LRMDA: variants seen among roughly 807,000 people sequenced by gnomAD.
The protein encoded by LRMDA is leucine-rich melanocyte differentiation-associated protein.
A neutral mutation model predicts 29.8 loss-of-function variants in LRMDA; 18 were observed. The observed-to-expected ratio is 0.60, with a 90% CI of 0.42 to 0.90. LRMDA has a LOEUF of 0.90. Among genes scored for constraint, LRMDA ranks in the 40% least tolerant of loss-of-function variants. The pLI, the probability that LRMDA is intolerant of heterozygous loss-of-function variation, is 0.00. For synonymous variants in LRMDA, 125 were observed against 109.4 expected, an observed-to-expected ratio of 1.14 and a Z score of -0.89; for missense variants, 273 against 273.9, an observed-to-expected ratio of 1.00 and a Z score of 0.02.
intron 2 of LRMDA, among the ~76,000 whole-genome samples, chr10:75,874,146 T>C (rs982822138): frequency 6.6e-6 from 1 of 152,200 alleles, no homozygotes; most frequent in Non-Finnish European, 1.5e-5. Flanking sequence ...AGGGTACATA[T>C]GCCTTAGACT....
intron 5 of LRMDA, among the ~76,000 whole-genome samples, chr10:76,142,709 A>ATT (rs1564664744): frequency 3.6e-4 from 49 of 137,914 alleles, no homozygotes; most frequent in African/African-American, 1.3e-3. Context: ...TTATTATTAT[A>ATT]CTTTAAGTTT....
rs118065915 is a variant in LRMDA, at chr10:75,822,223, C to T, written c.132-213785C>T. 2.5e-3 allele frequency among the ~76,000 whole-genome samples: 376 copies of T among 152,052 alleles called. 9 individuals carry two copies. The East Asian group carries it at 0.065, about 26-fold the overall frequency. ...AAAGACTGAATCCCATTTACAGTGG[C>T]TACCAAAAAAACACTGAAGAATGCA... On this transcript the variant is annotated intron_variant, in intron 2 of 6. Transcript: ENST00000611255.
intron 2 of LRMDA, among the ~76,000 whole-genome samples, chr10:75,843,193 C>T (rs959950292): frequency 1.3e-5 from 2 of 152,146 alleles, no homozygotes; most frequent in Non-Finnish European, 2.9e-5. Flanking sequence ...TTAATGAGTT[C>T]AGGGAAGAAA....
At chr10:76,018,824 G>A (rs1379282509) in intron 2 of LRMDA, among the ~76,000 whole-genome samples, 7 of 152,076 alleles carry the variant, frequency 4.6e-5, no homozygotes, top group African/African-American at 7.2e-5. Context: ...TCTTGGCCTC[G>A]CAAATTGCTG....
rs571166829 is a variant in LRMDA, at chr10:76,183,452, G to A, written c.516+124669G>A. Among the ~76,000 whole-genome samples the A allele has an allele frequency of 5.9e-5, 9 of 152,302 alleles. No homozygotes were observed. In the East Asian group the frequency reaches 1.5e-3, roughly 26 times the overall value. On this transcript the variant is annotated intron_variant, in intron 5 of 6. Coordinates refer to ENST00000611255, the MANE Select transcript of LRMDA (RefSeq NM_001305581.2). ...GTGTACTTTGCCCCATCTTTTGAGAGAAAGATCTCTCTAAATTTCAAAGAA... is the reference window on the plus strand; with the variant it reads ...GTGTACTTTGCCCCATCTTTTGAGAAAAAGATCTCTCTAAATTTCAAAGAA...
intron 2 of LRMDA, among the ~76,000 whole-genome samples, chr10:75,802,245 G>C (rs1259209472): frequency 1.3e-5 from 2 of 152,006 alleles, no homozygotes; most frequent in African/African-American, 4.8e-5. Flanking sequence ...TTGAACCTGG[G>C]AGGTTTAAGC....
At chr10:75,941,550 C>G (rs1160894735) in intron 2 of LRMDA, among the ~76,000 whole-genome samples, 1 of 152,182 alleles carries the variant, frequency 6.6e-6, no homozygotes, top group Non-Finnish European at 1.5e-5. Flanking sequence ...ATGCCAGCAT[C>G]TCACTGGCAT....
At chr10:76,471,544 A>C (rs1421508994) in intron 6 of LRMDA, among the ~76,000 whole-genome samples, 1 of 151,700 alleles carries the variant, frequency 6.6e-6, no homozygotes, top group Non-Finnish European at 1.5e-5. Context: ...TATAGGAAAC[A>C]ACTGAAATGG....
intron 2 of LRMDA, among the ~76,000 whole-genome samples, chr10:75,628,854 C>T (rs1386575796): frequency 6.6e-6 from 1 of 152,210 alleles, no homozygotes; most frequent in East Asian, 1.9e-4. Context: ...TGAGAAGGTG[C>T]AGGCTGGGGC....
At chr10:75,649,138 C>A (rs186037441) in intron 2 of LRMDA, among the ~76,000 whole-genome samples, 5 of 152,312 alleles carry the variant, frequency 3.3e-5, no homozygotes, top group Non-Finnish European at 1.5e-5. Context: ...CCCCTAGCAA[C>A]CACAATTCTA....
intron 2 of LRMDA, among the ~76,000 whole-genome samples, chr10:75,751,476 T>C (rs992802663): frequency 1.1e-4 from 16 of 152,326 alleles, no homozygotes; most frequent in Non-Finnish European, 1.9e-4. Context: ...TTAAATAATT[T>C]CAGTTATCTT....
At chr10:75,630,554 G>C (rs1841309987) in intron 2 of LRMDA, among the ~76,000 whole-genome samples, 1 of 152,192 alleles carries the variant, frequency 6.6e-6, no homozygotes, top group Non-Finnish European at 1.5e-5. Flanking sequence ...TCTTCTATGA[G>C]GCTCTCACAG....
At chr10:75,552,431 C>A (rs548510503) in intron 2 of LRMDA, 2 of 285,256 alleles carry the variant, frequency 7.0e-6, no homozygotes, top group East Asian at 1.1e-4. Context: ...TTTTTCCCCC[C>A]CCTCTGGCTG....
At chr10:75,883,666 C>T (rs140411812) in intron 2 of LRMDA, 2 of 152,038 alleles carry the variant, frequency 1.3e-5, no homozygotes, top group East Asian at 3.9e-4. Flanking sequence ...TTTGTGTTGA[C>T]ATTTACAAGG....
chr10:76,211,810 T>G (rs1292313613), intron 5 of LRMDA, among the ~76,000 whole-genome samples: 1 of 152,226 alleles, frequency 6.6e-6, no homozygotes, highest in Non-Finnish European at 1.5e-5. Context: ...GACTGTACCT[T>G]TTGCCCAAGT....
chr10:75,661,778 T>C (rs1300740043), intron 2 of LRMDA, among the ~76,000 whole-genome samples: 1 of 152,124 alleles, frequency 6.6e-6, no homozygotes, highest in African/African-American at 2.4e-5. Flanking sequence ...ATTGAGACTT[T>C]AAAGACCCCT....
intron 2 of LRMDA, among the ~76,000 whole-genome samples, chr10:75,583,900 T>C (rs1169992557): frequency 1.3e-5 from 2 of 152,152 alleles, no homozygotes; most frequent in African/African-American, 4.8e-5. Context: ...CTATGGTTGA[T>C]GCCTCCCTGC....
chr10:75,657,631 A>G (rs1433421703), intron 2 of LRMDA, among the ~76,000 whole-genome samples: 1 of 152,084 alleles, frequency 6.6e-6, no homozygotes, highest in Admixed American at 6.5e-5. Context: ...TGTACCTTTG[A>G]GGATTGTTGT....
intron 2 of LRMDA, among the ~76,000 whole-genome samples, chr10:75,973,832 A>G (rs531209881): frequency 1.8e-3 from 279 of 152,204 alleles, no homozygotes; most frequent in African/African-American, 6.5e-3. Context: ...GAGGTGGAGG[A>G]GAAAGGCCAC....
Sources: gnomAD v4.1 joint callset for allele counts (sites outside exome capture counted in the v4.1 genomes callset) on GRCh38, gnomAD v4.1.1 for gene constraint, MANE v1.5 for transcripts, NCBI Gene and HGNC (gene_info 2026-07-23, HGNC 2026-07-21) for gene names.